SCN8A: variants seen among roughly 807,000 people sequenced by gnomAD.
The protein encoded by SCN8A is sodium channel protein type 8 subunit alpha.
Under a neutral mutation model 184.1 loss-of-function variants are expected in SCN8A, and 30 were observed. That is an observed-to-expected ratio of 0.16 (90% CI 0.12 to 0.22). The LOEUF (loss-of-function observed/expected upper bound fraction) is 0.22. Among genes scored for constraint, SCN8A ranks in the 10% least tolerant of loss-of-function variants. The probability of loss-of-function intolerance (pLI) is 1.00; values close to 1 mark genes in which losing one functional copy is unlikely to be tolerated. For synonymous variants in SCN8A, 852 were observed against 907.0 expected, an observed-to-expected ratio of 0.94 and a Z score of 1.09; for missense variants, 1,057 against 2,498.9, an observed-to-expected ratio of 0.42 and a Z score of 12.30.
chr12:51,808,805 A>G lies in SCN8A; in HGVS notation c.*1376A>G, dbSNP rs2138947969. 1 of 152,274 alleles carries G rather than the reference A, an allele frequency of 6.6e-6. No homozygotes were observed. Among genetic ancestry groups the G allele is most frequent in the South Asian group, 2.1e-4 (1 of 4,820 alleles). 9.4% of individuals were successfully genotyped at this position (152,274 alleles called of 1,614,324 possible). A position where few individuals can be genotyped will look rare whatever the true frequency, so the allele number is the denominator to read the frequency against. On this transcript the variant is annotated 3_prime_UTR_variant, in exon 27 of 27. Coordinates refer to ENST00000627620, the MANE Select transcript of SCN8A (RefSeq NM_001330260.2). The stretch of plus-strand genomic sequence containing the variant: ...CTCTTCTGCAGAGGGGTCATCGCAT[A>G]CTCACACACTGCATGGCTCCCCCTG...
At chr12:51,736,811 T>C (rs574882337) in intron 12 of SCN8A, among the ~76,000 whole-genome samples, 1 of 152,302 alleles carries the variant, frequency 6.6e-6, no homozygotes, top group East Asian at 1.9e-4. Context: ...GAATCAGAAA[T>C]CACATTAATA....
At chr12:51,723,984 C>T (rs1942116316) in intron 12 of SCN8A, among the ~76,000 whole-genome samples, 1 of 152,174 alleles carries the variant, frequency 6.6e-6, no homozygotes, top group African/African-American at 2.4e-5. Flanking sequence ...TCAGACCCCT[C>T]AGAGACCCTA....
At chr12:51,718,760 TTAA>T (rs1022284251) in intron 11 of SCN8A, among the ~76,000 whole-genome samples, 1 of 149,272 alleles carries the variant, frequency 6.7e-6, no homozygotes, top group Non-Finnish European at 1.5e-5. Context: ...TGGAAAGACA[TTAA>T]TAATATTTTG....
chr12:51,720,709 G>A (rs996794640), intron 11 of SCN8A, among the ~76,000 whole-genome samples: 2 of 152,116 alleles, frequency 1.3e-5, no homozygotes, highest in African/African-American at 2.4e-5. Context: ...GCCACTGTTG[G>A]AGTAGTAGTT....
chr12:51,617,077 G>T (rs2138588801), intron 1 of SCN8A, among the ~76,000 whole-genome samples: 1 of 152,056 alleles, frequency 6.6e-6, no homozygotes, highest in Admixed American at 6.5e-5. Flanking sequence ...TGATGTTTTT[G>T]CACAAGGATT....
chr12:51,743,867 G>A (rs745315201), intron 12 of SCN8A, among the ~76,000 whole-genome samples: 5 of 152,216 alleles, frequency 3.3e-5, no homozygotes, highest in Non-Finnish European at 7.3e-5. Context: ...AGTCCAAGGT[G>A]GGTGGATCAC....
At chr12:51,742,434 T>G (rs1339079335) in intron 12 of SCN8A, among the ~76,000 whole-genome samples, 1 of 152,164 alleles carries the variant, frequency 6.6e-6, no homozygotes, top group Non-Finnish European at 1.5e-5. Context: ...TTATTTCTCC[T>G]TCATGCTTGA....
intron 6 of SCN8A, among the ~76,000 whole-genome samples, chr12:51,695,340 C>T (rs1209402795): frequency 6.6e-6 from 1 of 152,170 alleles, no homozygotes; most frequent in Non-Finnish European, 1.5e-5. Context: ...GAAAAAGTGT[C>T]TTTTTAGCTT....
In SCN8A at chr12:51,808,544, T is replaced by G. The variant is rs1938788617; in HGVS notation, c.*1115T>G. 6.6e-6 allele frequency: 1 copy of G among 152,610 alleles called. No homozygotes were observed. The highest frequency in any genetic ancestry group is 6.5e-5 in the Admixed American group (1 of 15,280). The allele number at this position is 152,610 out of a possible 1,614,324, so 9.5% of individuals were successfully genotyped here. A position where few individuals can be genotyped will look rare whatever the true frequency, so the allele number is the denominator to read the frequency against. On this transcript the variant is annotated 3_prime_UTR_variant, in exon 27 of 27. Transcript: ENST00000627620. ...AAAAATTCATTTGTATCTTGCAATA[T>G]TTATGACGATCGTTTAGCCTTCATA...
At chr12:51,662,228 A>G (rs928421601) in intron 1 of SCN8A, among the ~76,000 whole-genome samples, 15 of 152,248 alleles carry the variant, frequency 9.9e-5, no homozygotes, top group Non-Finnish European at 2.9e-5. Flanking sequence ...TGGAAGAACT[A>G]AAGCAGATGG....
At chr12:51,605,139 A>G (rs1170716927) in intron 1 of SCN8A, among the ~76,000 whole-genome samples, 2 of 149,928 alleles carry the variant, frequency 1.3e-5, no homozygotes, top group East Asian at 3.8e-4. Context: ...CCCATAAGTT[A>G]TTGGGGTACA....
intron 11 of SCN8A, chr12:51,712,951 C>A: frequency 6.3e-7 from 1 of 1,594,420 alleles, no homozygotes; most frequent in Admixed American, 1.7e-5. Flanking sequence ...ATTGCCAGAT[C>A]CACCTCCACG....
At chr12:51,767,393 C>A (rs1942855253) in intron 16 of SCN8A, among the ~76,000 whole-genome samples, 1 of 152,194 alleles carries the variant, frequency 6.6e-6, no homozygotes, top group South Asian at 2.1e-4. Flanking sequence ...TTCTGCCCAT[C>A]TAGTTTCTAG....
At chr12:51,738,782 G>A (rs990407346) in intron 12 of SCN8A, among the ~76,000 whole-genome samples, 1 of 152,210 alleles carries the variant, frequency 6.6e-6, no homozygotes, top group Non-Finnish European at 1.5e-5. Flanking sequence ...CTTCCTAGAA[G>A]TAATCCTATT....
chr12:51,639,601 G>T (rs1053868157), intron 1 of SCN8A, among the ~76,000 whole-genome samples: 14 of 152,048 alleles, frequency 9.2e-5, no homozygotes, highest in African/African-American at 3.4e-4. Flanking sequence ...ATGCTCTGCT[G>T]TGGATAAAAT....
intron 2 of SCN8A, among the ~76,000 whole-genome samples, chr12:51,671,340 A>G (rs1447591606): frequency 6.6e-6 from 1 of 152,074 alleles, no homozygotes; most frequent in Non-Finnish European, 1.5e-5. Flanking sequence ...AATGTTTGCA[A>G]TTTTCTCCAG....
chr12:51,694,134 T>A, intron 6 of SCN8A, among the ~76,000 whole-genome samples: 1 of 152,192 alleles, frequency 6.6e-6, no homozygotes, highest in South Asian at 2.1e-4. Flanking sequence ...GGTTTCACCA[T>A]GTTGGCCAGG....
At chr12:51,757,113 CAACCACCTTAATTTGCAG>C (rs1277841001) in intron 14 of SCN8A, among the ~76,000 whole-genome samples, 2 of 152,096 alleles carry the variant, frequency 1.3e-5, no homozygotes, top group Non-Finnish European at 2.9e-5. Flanking sequence ...GTTGGGTAAC[CAACCACCTTAATTTGCAG>C]AGGCCTGAGG....
At chr12:51,743,866 T>C (rs909758487) in intron 12 of SCN8A, among the ~76,000 whole-genome samples, 4 of 152,184 alleles carry the variant, frequency 2.6e-5, no homozygotes, top group African/African-American at 9.7e-5. Context: ...GAGTCCAAGG[T>C]GGGTGGATCA....
Sources: gnomAD v4.1 joint callset for allele counts (sites outside exome capture counted in the v4.1 genomes callset) on GRCh38, gnomAD v4.1.1 for gene constraint, MANE v1.5 for transcripts, NCBI Gene and HGNC (gene_info 2026-07-23, HGNC 2026-07-21) for gene names.